The following CHUK variants were observed in gnomAD, a reference collection of about 807,000 sequenced individuals.
CHUK encodes component of inhibitor of nuclear factor kappa B kinase complex.
Under a neutral mutation model 104.8 loss-of-function variants are expected in CHUK, and 35 were observed. That is an observed-to-expected ratio of 0.33 (90% CI 0.26 to 0.44). The LOEUF is 0.44. Among genes scored for constraint, CHUK ranks in the 20% least tolerant of loss-of-function variants. The pLI is 1.00. For synonymous variants in CHUK, 276 were observed against 291.9 expected (o/e 0.95, Z 0.56); for missense variants, 663 against 902.7 (o/e 0.73, Z 3.40).
chr10:100,228,570 C>A (rs928635907), intron 1 of CHUK, among the ~76,000 whole-genome samples: 3 of 150,654 alleles, frequency 2.0e-5, no homozygotes, highest in Admixed American at 1.3e-4. Context: ...GCAGGAGAAT[C>A]GCTTGAACTC....
chr10:100,219,333 TC>T lies in CHUK; in HGVS notation c.500del (p.Gly167AspfsTer101). The T allele has an allele frequency of 1.3e-6, 2 of 1,585,972 alleles. No individual in the cohort carries two copies. Among genetic ancestry groups the T allele is most frequent in the African/African-American group, 1.3e-5 (1 of 74,492 alleles). ...GKIIHKIIDL[G>X]YAKDVDQGSL... ...TTCCTTGATCAACATCTTTGGCATATCCCAGATCAATTATTTTATGTATTAT... is the reference window on the plus strand; with the variant it reads ...TTCCTTGATCAACATCTTTGGCATATCCAGATCAATTATTTTATGTATTAT... On this transcript the variant is annotated frameshift_variant, in exon 6 of 21. Transcript: ENST00000370397. LOFTEE classifies it high-confidence loss of function.
In CHUK at chr10:100,193,414, C is replaced by T; in HGVS notation, c.1992G>A (p.Arg664=). The T allele has an allele frequency of 6.2e-7, 1 of 1,614,086 alleles. No individual in the cohort carries two copies. The highest frequency in any genetic ancestry group is 8.5e-7 in the Non-Finnish European group (1 of 1,179,976). ...CTTCTAGACTGGATCCTACAAGGGA[C>T]CGGGCAGAACTCTGTGTCTGAAGGA... ...LKIACTQSSA[R]SLVGSSLEGA... Residue 664 remains arginine (R), a synonymous_variant, in exon 19 of 21, where the codon CGG becomes CGA. Coordinates refer to ENST00000370397, the MANE Select transcript of CHUK (RefSeq NM_001278.5).
chr10:100,213,359 C>G (rs1357648402), intron 9 of CHUK, among the ~76,000 whole-genome samples: 1 of 151,972 alleles, frequency 6.6e-6, no homozygotes, highest in African/African-American at 2.4e-5. Context: ...TGGCGCACAC[C>G]TGTAATTCCA....
At chr10:100,195,486 C>T (rs1232550230) in intron 16 of CHUK, 2 of 152,260 alleles carry the variant, frequency 1.3e-5, no homozygotes, top group Non-Finnish European at 2.9e-5. Flanking sequence ...TCTCTGTTGT[C>T]TCCTCCTCAC....
intron 11 of CHUK, 113 bp from the exon 12 acceptor site, chr10:100,205,312 G>T (rs976664820): frequency 9.7e-6 from 11 of 1,132,688 alleles, no homozygotes; most frequent in Non-Finnish European, 1.5e-5. Flanking sequence ...GATTCCCATA[G>T]ATGCTAGAAA....
In CHUK at chr10:100,200,780, C is replaced by T; in HGVS notation, c.1570G>A (p.Val524Ile). 6.6e-7 allele frequency: 1 copy of T among 1,519,530 alleles called. No homozygotes were observed. Among genetic ancestry groups the T allele is most frequent in the Non-Finnish European group, 9.1e-7 (1 of 1,094,502 alleles). The allele number at this position is 1,519,530 out of a possible 1,614,324, so 94.1% of individuals were successfully genotyped here. A position where few individuals can be genotyped will look rare whatever the true frequency, so the allele number is the denominator to read the frequency against. The change falls in exon 15 of 21, where the codon GTT (valine) becomes ATT (isoleucine). Residue 524 changes from valine (V) to isoleucine (I), a missense_variant and splice_region_variant. Physicochemically the swap from Val to Ile is conservative, Grantham distance 29. Around this residue, in one of 5 missense-constraint regions of CHUK, gnomAD observed 311 missense variants for 393.4 expected, o/e 0.79. Coordinates refer to ENST00000370397, the MANE Select transcript of CHUK (RefSeq NM_001278.5). The part of the protein sequence containing the change: ...MEEKAIHYAE[V>I]GVIGYLEDQI... ...TCCTCCAGGTATCCAATGACACCAA[C>T]CTAAAATATGATGAAAATACAAAGG...
chr10:100,206,501 T>C (rs1026055412), intron 11 of CHUK, among the ~76,000 whole-genome samples: 2 of 151,426 alleles, frequency 1.3e-5, no homozygotes, highest in Non-Finnish European at 2.9e-5. Flanking sequence ...ATTAGTAAAA[T>C]AGTAATAAAG....
At chr10:100,197,640 T>C (rs12260153) in intron 16 of CHUK, among the ~76,000 whole-genome samples, 11,609 of 152,248 alleles carry the variant, frequency 0.076, 791 homozygotes, top group African/African-American at 0.18. Context: ...TATTTAGGTT[T>C]TCTCTCTCCT....
chr10:100,223,898 G>A (rs1167347845), intron 2 of CHUK, among the ~76,000 whole-genome samples: 1 of 152,186 alleles, frequency 6.6e-6, no homozygotes, highest in African/African-American at 2.4e-5. Flanking sequence ...AAAGTACTTA[G>A]CACACTACCT....
intron 9 of CHUK, among the ~76,000 whole-genome samples, chr10:100,213,307 C>T (rs1428421243): frequency 6.6e-6 from 1 of 151,906 alleles, no homozygotes; most frequent in Non-Finnish European, 1.5e-5. Flanking sequence ...ATGGCAAAAC[C>T]CTGTCTCTAC....
At position 100,209,621 on chromosome 10, in the gene CHUK, C is replaced by T; in HGVS notation, c.1102G>A (p.Ala368Thr). The T allele has an allele frequency of 6.2e-7, 1 of 1,609,172 alleles. No homozygotes were observed. The highest frequency in any genetic ancestry group is 8.5e-7 in the Non-Finnish European group (1 of 1,175,572). ...ACTCCATCTAGAACACATTGAGAGG[C>T]TGGTTTCCGAGGATCCAGAGAAATT... Reference protein sequence around the residue: ...TGISLDPRKPASQCVLDGVRG... With the variant: ...TGISLDPRKPTSQCVLDGVRG... Residue 368 changes from alanine (A) to threonine (T), a missense_variant, in exon 10 of 21, where the codon GCC (alanine) becomes ACC (threonine). Ala to Thr is a moderately conservative substitution (Grantham distance 58). This residue lies in a region of CHUK where 93 missense variants were observed against 95.9 expected (regional missense o/e 0.97). Transcript: ENST00000370397.
chr10:100,205,548 G>C (rs1845570293), intron 11 of CHUK, among the ~76,000 whole-genome samples: 1 of 152,110 alleles, frequency 6.6e-6, no homozygotes, highest in Non-Finnish European at 1.5e-5. Flanking sequence ...TTTCTTTCAA[G>C]TTCTAAATCA....
chr10:100,198,158 T>G (rs918643337), intron 16 of CHUK, among the ~76,000 whole-genome samples: 12 of 152,310 alleles, frequency 7.9e-5, no homozygotes, highest in Admixed American at 5.9e-4. Flanking sequence ...TATGCAAATC[T>G]GAATAATCAT....
rs113566283 is a variant in CHUK, at chr10:100,222,254, C to T, written c.316-73G>A. On this transcript the variant is annotated intron_variant, in intron 3 of 20. Transcript: ENST00000370397. ...TGCAATAGTGACCACACATTAATTACTATACTCTAAAAGAATATTCAAATG... is the reference window on the plus strand; with the variant it reads ...TGCAATAGTGACCACACATTAATTATTATACTCTAAAAGAATATTCAAATG... 3.7e-3 allele frequency: 2,775 copies of T among 755,948 alleles called. 28 individuals are homozygous for T. In the African/African-American group the frequency reaches 0.039, roughly 11 times the overall value. 46.8% of individuals were successfully genotyped at this position (755,948 alleles called of 1,614,324 possible).
At chr10:100,224,141 C>G (rs539280165) in intron 2 of CHUK, among the ~76,000 whole-genome samples, 2 of 152,148 alleles carry the variant, frequency 1.3e-5, no homozygotes, top group East Asian at 3.9e-4. Flanking sequence ...AGGAAAAGAT[C>G]TTTCTGGGGA....
In CHUK at chr10:100,190,773, T is replaced by C. The variant is rs188762563; in HGVS notation, c.2208+96A>G. 24 of 793,990 alleles carry C rather than the reference T, an allele frequency of 3.0e-5. No homozygotes were observed. In the African/African-American group the frequency reaches 3.9e-4, roughly 13 times the overall value. The allele number at this position is 793,990 out of a possible 1,614,324, so 49.2% of individuals were successfully genotyped here. A position where few individuals can be genotyped will look rare whatever the true frequency, so the allele number is the denominator to read the frequency against. ...TCCTCTTGAGTTCTTCTATTTCCCA[T>C]ATGCATCCCAAATGCCAGATAAGGC... On this transcript the variant is annotated intron_variant, in intron 20 of 20. Coordinates refer to ENST00000370397, the MANE Select transcript of CHUK (RefSeq NM_001278.5).
At chr10:100,220,566 C>T in intron 5 of CHUK, 22 bp downstream of exon 5, 2 of 1,508,472 alleles carry the variant, frequency 1.3e-6, no homozygotes, top group Non-Finnish European at 1.8e-6. Flanking sequence ...AGGCATGAAA[C>T]ATTACTTCAG....
intron 6 of CHUK, 63 bp downstream of exon 6, chr10:100,219,207 T>C (rs1845930581): frequency 4.5e-6 from 7 of 1,564,948 alleles, no homozygotes; most frequent in Non-Finnish European, 6.2e-6. Flanking sequence ...ACTATATTCA[T>C]GATCTTCAGA....
chr10:100,226,550 A>G (rs868498225), intron 1 of CHUK, among the ~76,000 whole-genome samples: 1 of 152,356 alleles, frequency 6.6e-6, no homozygotes, highest in South Asian at 2.1e-4. Flanking sequence ...CCATAGCTAC[A>G]TAATGAACCT....
Sources: gnomAD v4.1 joint callset for allele counts (sites outside exome capture counted in the v4.1 genomes callset) on GRCh38, gnomAD v4.1.1 for gene constraint, gnomAD v4.1.1 regional missense constraint, MANE v1.5 for transcripts, NCBI Gene and HGNC (gene_info 2026-07-23, HGNC 2026-07-21) for gene names.